CSMD3: variants seen among roughly 807,000 people sequenced by gnomAD.
CSMD3 encodes the protein CUB and sushi domain-containing protein 3.
A neutral mutation model predicts 435.2 loss-of-function variants in CSMD3; 177 were observed. That is an observed-to-expected ratio of 0.41 (90% CI 0.36 to 0.46). The LOEUF (loss-of-function observed/expected upper bound fraction) is 0.46. CSMD3 is among the 20% of genes least tolerant of loss of function. The pLI is 0.34. For missense variants in CSMD3, 4,265 were observed against 4,504.6 expected (o/e 0.95, Z 1.52); for synonymous variants, 1,656 against 1,520.5 (o/e 1.09, Z -2.07).
intron 1 of CSMD3, among the ~76,000 whole-genome samples, chr8:113,372,077 T>G (rs1287010545): frequency 6.6e-6 from 1 of 152,190 alleles, no homozygotes; most frequent in East Asian, 1.9e-4. Flanking sequence ...ATTGATTAAC[T>G]GTTCACTCAG....
chr8:112,769,840 T>C (rs1023193563), intron 13 of CSMD3, among the ~76,000 whole-genome samples: 1 of 151,916 alleles, frequency 6.6e-6, no homozygotes, highest in Non-Finnish European at 1.5e-5. Flanking sequence ...AATTATAAAA[T>C]ATTTTTTCAC....
intron 18 of CSMD3, among the ~76,000 whole-genome samples, chr8:112,654,084 G>GC (rs2075199709): frequency 1.3e-5 from 2 of 152,094 alleles, no homozygotes; most frequent in Non-Finnish European, 2.9e-5. Flanking sequence ...GGCATTGCAA[G>GC]CATTCCTTCC....
At chr8:112,865,686 C>CCACA (rs3220985) in intron 10 of CSMD3, among the ~76,000 whole-genome samples, 686 of 43,178 alleles carry the variant, frequency 0.016, 4 homozygotes, top group Non-Finnish European at 0.026. Flanking sequence ...TTTACATACC[C>CCACA]CACACACACA....
chr8:112,405,149 C>A lies in CSMD3; in HGVS notation c.5809+1375G>T, dbSNP rs571477676. On this transcript the variant is annotated intron_variant, in intron 35 of 70. Transcript: ENST00000297405. The stretch of plus-strand genomic sequence containing the variant: ...AAGGGAGCTGTAATCATGCCACGGC[C>A]TTCCAGCCTGAGCGACACAGCAAGA... 5.2e-4 allele frequency among the ~76,000 whole-genome samples: 66 copies of A among 127,670 alleles called. 1 individual carries two copies. The highest frequency in any genetic ancestry group is 1.9e-3 in the African/African-American group (65 of 33,786). The allele number at this position is 127,670 out of a possible 152,430, so 83.8% of individuals were successfully genotyped here. A position where few individuals can be genotyped will look rare whatever the true frequency, so the allele number is the denominator to read the frequency against.
intron 6 of CSMD3, among the ~76,000 whole-genome samples, chr8:113,018,510 C>T (rs1250338464): frequency 6.6e-6 from 1 of 152,120 alleles, no homozygotes; most frequent in African/African-American, 2.4e-5. Context: ...CATAGTATTA[C>T]AGAACATTGT....
intron 3 of CSMD3, among the ~76,000 whole-genome samples, chr8:113,261,687 T>G (rs1387379831): frequency 6.6e-6 from 1 of 152,136 alleles, no homozygotes; most frequent in African/African-American, 2.4e-5. Context: ...AATTCTTCAG[T>G]GCAAACACAT....
intron 23 of CSMD3, among the ~76,000 whole-genome samples, chr8:112,582,377 A>T (rs1011062655): frequency 6.6e-6 from 1 of 151,796 alleles, no homozygotes; most frequent in African/African-American, 2.4e-5. Context: ...CTTATATATT[A>T]TACAGCTTCA....
At position 112,263,676 on chromosome 8, in the gene CSMD3, C is replaced by T. The variant is rs1483398830; in HGVS notation, c.9825G>A (p.Gly3275=). The T allele has an allele frequency of 1.2e-6, 2 of 1,613,696 alleles. No homozygotes were observed. Among genetic ancestry groups the T allele is most frequent in the Non-Finnish European group, 1.7e-6 (2 of 1,179,760 alleles). The change falls in exon 61 of 71, where the codon GGG becomes GGA. Residue 3275 remains glycine, a synonymous_variant. Transcript: ENST00000297405. ...LSFPAVLTCV[G]NGTWSGEVPQ... Reference sequence around the variant, plus strand: ...GTACTTCACCACTCCAGGTACCATTCCCTACACAGGTCAAAACAGCAGGGA... The same window carrying T: ...GTACTTCACCACTCCAGGTACCATTTCCTACACAGGTCAAAACAGCAGGGA...
intron 5 of CSMD3, among the ~76,000 whole-genome samples, chr8:113,094,018 AT>A (rs1448287073): frequency 6.6e-6 from 1 of 152,154 alleles, no homozygotes; most frequent in African/African-American, 2.4e-5. Flanking sequence ...CAAACATCCA[AT>A]AGGACATATT....
intron 6 of CSMD3, among the ~76,000 whole-genome samples, chr8:112,977,342 C>T (rs186606186): frequency 2.6e-5 from 4 of 151,988 alleles, no homozygotes; most frequent in East Asian, 1.9e-4. Context: ...CACTTTTCTT[C>T]GCAACATTTC....
chr8:113,008,791 A>T (rs2086151141), intron 6 of CSMD3, among the ~76,000 whole-genome samples: 1 of 151,430 alleles, frequency 6.6e-6, no homozygotes, highest in African/African-American at 2.4e-5. Context: ...AGAAAGCAAT[A>T]ATTACAGTGA....
intron 3 of CSMD3, among the ~76,000 whole-genome samples, chr8:113,278,368 C>G (rs146933159): frequency 1.3e-5 from 2 of 151,708 alleles, no homozygotes; most frequent in South Asian, 4.2e-4. Context: ...TTTGTTAATT[C>G]GTAACCCTGT....
At chr8:112,565,848 TAA>T (rs934562120) in intron 24 of CSMD3, among the ~76,000 whole-genome samples, 1 of 152,020 alleles carries the variant, frequency 6.6e-6, no homozygotes, top group Admixed American at 6.6e-5. Flanking sequence ...TATATAGGGC[TAA>T]AAGAATCTGT....
chr8:112,701,936 G>A (rs921850948), intron 13 of CSMD3, among the ~76,000 whole-genome samples: 3 of 152,110 alleles, frequency 2.0e-5, no homozygotes, highest in Non-Finnish European at 4.4e-5. Context: ...CCTCCATAAT[G>A]AGTGCCCTGA....
At chr8:113,039,266 T>C (rs2087497228) in intron 5 of CSMD3, among the ~76,000 whole-genome samples, 1 of 152,176 alleles carries the variant, frequency 6.6e-6, no homozygotes, top group African/African-American at 2.4e-5. Flanking sequence ...CATTTAAACA[T>C]AAGTATTTAT....
At chr8:113,172,009 T>C (rs564172591) in intron 4 of CSMD3, among the ~76,000 whole-genome samples, 1 of 152,252 alleles carries the variant, frequency 6.6e-6, no homozygotes, top group South Asian at 2.1e-4. Flanking sequence ...TATAATACCA[T>C]TTAGTATGTT....
At chr8:112,379,873 C>A (rs1360646938) in intron 38 of CSMD3, among the ~76,000 whole-genome samples, 1 of 152,076 alleles carries the variant, frequency 6.6e-6, no homozygotes, top group Non-Finnish European at 1.5e-5. Flanking sequence ...TAAAATAAAC[C>A]AATCACAGGA....
chr8:112,618,543 T>A (rs1382711937), intron 22 of CSMD3, among the ~76,000 whole-genome samples: 2 of 152,062 alleles, frequency 1.3e-5, no homozygotes, highest in Non-Finnish European at 2.9e-5. Context: ...TAAAAAATTC[T>A]TCTTAGATAG....
intron 1 of CSMD3, among the ~76,000 whole-genome samples, chr8:113,385,709 C>A (rs1023827058): frequency 6.6e-6 from 1 of 152,038 alleles, no homozygotes; most frequent in African/African-American, 2.4e-5. Flanking sequence ...AGGGTAAAAT[C>A]TCCTAAGGGA....
Sources: allele counts gnomAD v4.1 joint callset (sites outside exome capture counted in the v4.1 genomes callset), GRCh38; gene constraint gnomAD v4.1.1; transcripts MANE v1.5; gene names NCBI Gene and HGNC (gene_info 2026-07-23, HGNC 2026-07-21).